PCDH15: variants seen among roughly 807,000 people sequenced by gnomAD.
PCDH15 encodes protocadherin-15.
A neutral mutation model predicts 178.5 loss-of-function variants in PCDH15; 129 were observed. The observed-to-expected ratio is 0.72, with a 90% confidence interval of 0.63 to 0.84. The LOEUF (loss-of-function observed/expected upper bound fraction) is 0.84, where lower values mean the gene tolerates loss of function less well. Among genes scored for constraint, PCDH15 ranks in the 40% least tolerant of loss-of-function variants. The pLI is 0.00. For synonymous variants in PCDH15, 800 were observed against 732.0 expected, an observed-to-expected ratio of 1.09 and a Z score of -1.50; for missense variants, 2,230 against 2,099.9, an observed-to-expected ratio of 1.06 and a Z score of -1.21.
chr10:54,701,309 G>C (rs1269367818), intron 1 of PCDH15, among the ~76,000 whole-genome samples: 1 of 152,010 alleles, frequency 6.6e-6, no homozygotes, highest in Admixed American at 6.6e-5. Context: ...TTAAAGGAGT[G>C]TTAAATATGG....
chr10:54,934,236 T>C (rs1837850387), intron 2 of PCDH15, among the ~76,000 whole-genome samples: 1 of 152,144 alleles, frequency 6.6e-6, no homozygotes, highest in South Asian at 2.1e-4. Flanking sequence ...ACATAATTTA[T>C]CTTCATATGT....
chr10:55,222,730 C>CACACACACACACATAT, intron 1 of PCDH15, among the ~76,000 whole-genome samples: 3 of 121,260 alleles, frequency 2.5e-5, no homozygotes, highest in South Asian at 5.3e-4. Flanking sequence ...CACACACACA[C>CACACACACACACATAT]ATATATATAT....
chr10:54,724,101 C>T (rs983193739), intron 1 of PCDH15, among the ~76,000 whole-genome samples: 1 of 151,696 alleles, frequency 6.6e-6, no homozygotes, highest in Non-Finnish European at 1.5e-5. Context: ...ATGTTCAACA[C>T]AATACTACTC....
chr10:54,439,056 G>A (rs950827823), intron 3 of PCDH15, among the ~76,000 whole-genome samples: 2 of 151,730 alleles, frequency 1.3e-5, no homozygotes, highest in African/African-American at 4.8e-5. Context: ...ATTTAATAGG[G>A]AATAAACAAA....
At chr10:54,103,373 T>C (rs1206859411) in intron 15 of PCDH15, among the ~76,000 whole-genome samples, 4 of 152,192 alleles carry the variant, frequency 2.6e-5, no homozygotes, top group Non-Finnish European at 5.9e-5. Context: ...TTGCCTTTGA[T>C]GGTTGAGCGC....
At chr10:55,622,372 T>C (rs1395012118) in intron 2 of PCDH15, among the ~76,000 whole-genome samples, 2 of 151,440 alleles carry the variant, frequency 1.3e-5, no homozygotes, top group East Asian at 3.9e-4. Context: ...CTCTTCATTC[T>C]TGAAAGGAAT....
At chr10:54,132,818 A>C (rs2042547670) in intron 15 of PCDH15, 57 bp downstream of exon 15, 1 of 1,561,004 alleles carries the variant, frequency 6.4e-7, no homozygotes, top group East Asian at 2.4e-5. Context: ...ATTAAATGCC[A>C]AGCTTGTCAC....
At chr10:55,557,664 A>T (rs1842117321) in intron 2 of PCDH15, among the ~76,000 whole-genome samples, 1 of 152,142 alleles carries the variant, frequency 6.6e-6, no homozygotes, top group African/African-American at 2.4e-5. Context: ...AGCTTAATAG[A>T]TGGGTTTGCT....
chr10:54,463,774 T>C (rs2077343822), intron 3 of PCDH15, among the ~76,000 whole-genome samples: 1 of 151,904 alleles, frequency 6.6e-6, no homozygotes, highest in South Asian at 2.1e-4. Context: ...TGTTGTTTTA[T>C]AGCAAAGTGA....
intron 2 of PCDH15, among the ~76,000 whole-genome samples, chr10:54,613,493 T>TCA (rs1164192874): frequency 4.9e-5 from 7 of 144,172 alleles, no homozygotes; most frequent in African/African-American, 1.3e-4. Flanking sequence ...TGTCTCTCTC[T>TCA]CACACACACA....
chr10:54,339,760 A>G (rs551850202), intron 6 of PCDH15, among the ~76,000 whole-genome samples: 51 of 152,322 alleles, frequency 3.3e-4, no homozygotes, highest in African/African-American at 1.1e-3. Flanking sequence ...TGAATGATCT[A>G]TCTTGAAAAC....
chr10:54,921,296 G>A (rs916936256), intron 2 of PCDH15, among the ~76,000 whole-genome samples: 14 of 151,322 alleles, frequency 9.3e-5, no homozygotes, highest in African/African-American at 1.5e-4. Context: ...ATACCCTCAC[G>A]AACTTTTATT....
Position 54,779,436 on chromosome 10 carries a change from G to A in PCDH15, c.-29+21489C>T, listed in dbSNP as rs796622719. 3.4e-3 allele frequency among the ~76,000 whole-genome samples: 278 copies of A among 82,318 alleles called. 3 individuals are homozygous for A. Among genetic ancestry groups the A allele is most frequent in the African/African-American group, 0.011 (221 of 20,870 alleles). 54.0% of individuals were successfully genotyped at this position (82,318 alleles called of 152,430 possible). ...TATATATATATACACACACATATGT[G>A]TATATATATATACACTCATATATGT... is the stretch of plus-strand genomic sequence containing the variant. On this transcript the variant is annotated intron_variant, in intron 1 of 37. Coordinates refer to ENST00000644397, the MANE Select transcript of PCDH15 (RefSeq NM_001384140.1).
intron 3 of PCDH15, among the ~76,000 whole-genome samples, chr10:54,398,610 T>G (rs1951540617): frequency 6.6e-6 from 1 of 152,048 alleles, no homozygotes; most frequent in African/African-American, 2.4e-5. Flanking sequence ...TAAGTGAAAT[T>G]TAACCCTTCA....
chr10:55,372,743 C>T (rs961662913), intron 2 of PCDH15, among the ~76,000 whole-genome samples: 8 of 152,216 alleles, frequency 5.3e-5, no homozygotes, highest in Admixed American at 2.6e-4. Context: ...TCACCAGGGC[C>T]TCTTATGAAG....
chr10:55,167,773 C>T (rs1839233684), intron 1 of PCDH15, among the ~76,000 whole-genome samples: 1 of 151,984 alleles, frequency 6.6e-6, no homozygotes, highest in South Asian at 2.1e-4. Flanking sequence ...GAAAACAAAA[C>T]AATGATTTAT....
chr10:55,583,669 G>A (rs183263130), intron 2 of PCDH15, among the ~76,000 whole-genome samples: 3 of 152,136 alleles, frequency 2.0e-5, no homozygotes, highest in Non-Finnish European at 2.9e-5. Context: ...CCTGACCTCA[G>A]GTGATCCACC....
intron 2 of PCDH15, among the ~76,000 whole-genome samples, chr10:55,033,265 T>G (rs553540316): frequency 6.6e-6 from 1 of 152,208 alleles, no homozygotes; most frequent in South Asian, 2.1e-4. Flanking sequence ...GATGGAGTTG[T>G]GGCAGCAGGG....
intron 2 of PCDH15, among the ~76,000 whole-genome samples, chr10:55,153,623 G>A (rs139652560): frequency 6.6e-4 from 101 of 152,188 alleles, no homozygotes; most frequent in Middle Eastern, 6.8e-3. Flanking sequence ...AGCCACTGGC[G>A]GCCTTGTGCT....
Sources: gnomAD v4.1 joint callset for allele counts (sites outside exome capture counted in the v4.1 genomes callset) on GRCh38, gnomAD v4.1.1 for gene constraint, MANE v1.5 for transcripts, NCBI Gene and HGNC (gene_info 2026-07-23, HGNC 2026-07-21) for gene names.